ADGRV1: variants seen among roughly 807,000 people sequenced by gnomAD.
ADGRV1 encodes G-protein coupled receptor 98.
ADGRV1 carries 359 observed loss-of-function variants against 596.2 expected under a neutral mutation model. The ratio of observed to expected loss-of-function variants is 0.60; its 90% CI spans 0.55 to 0.66. The LOEUF (loss-of-function observed/expected upper bound fraction) is 0.66, where lower values mean the gene tolerates loss of function less well. ADGRV1 is among the 30% of genes least tolerant of loss of function. The probability of loss-of-function intolerance (pLI) is 0.00; values close to 1 mark genes in which losing one functional copy is unlikely to be tolerated. For missense variants in ADGRV1, 7,274 were observed against 7,575.6 expected, an observed-to-expected ratio of 0.96 and a Z score of 1.48; for synonymous variants, 2,681 against 2,679.2, an observed-to-expected ratio of 1.00 and a Z score of -0.02.
intron 43 of ADGRV1, among the ~76,000 whole-genome samples, chr5:90,719,191 G>A (rs559797104): frequency 6.6e-6 from 1 of 152,066 alleles, no homozygotes; most frequent in Non-Finnish European, 1.5e-5. Context: ...CTAGCTGGGT[G>A]TAGTGGTGTG....
At chr5:90,682,530 TTCAGTGAC>T (rs1260881736) in intron 27 of ADGRV1, among the ~76,000 whole-genome samples, 2 of 152,254 alleles carry the variant, frequency 1.3e-5, no homozygotes, top group African/African-American at 2.4e-5. Flanking sequence ...GGATTCATTG[TTCAGTGAC>T]TCACAGGAGC....
chr5:90,943,711 C>T (rs1474460891), intron 83 of ADGRV1, among the ~76,000 whole-genome samples: 1 of 152,120 alleles, frequency 6.6e-6, no homozygotes, highest in African/African-American at 2.4e-5. Flanking sequence ...TGGTGGTTCC[C>T]AGCAATCCTT....
At chr5:91,047,393 G>C (rs996303911) in intron 85 of ADGRV1, among the ~76,000 whole-genome samples, 2 of 152,152 alleles carry the variant, frequency 1.3e-5, no homozygotes, top group African/African-American at 4.8e-5. Flanking sequence ...ACAATAGGCT[G>C]TATGCAAGCT....
At chr5:90,646,130 C>G (rs749879994) in intron 16 of ADGRV1, 39 bp downstream of exon 16, 47 of 1,466,834 alleles carry the variant, frequency 3.2e-5, no homozygotes, top group Middle Eastern at 1.8e-4. Flanking sequence ...TTACATATTT[C>G]TTAAATAGTA....
At chr5:91,002,889 A>C (rs1179968311) in intron 85 of ADGRV1, among the ~76,000 whole-genome samples, 1 of 152,152 alleles carries the variant, frequency 6.6e-6, no homozygotes, top group Admixed American at 6.6e-5. Context: ...TTTACTACAG[A>C]TCTGTAAGAT....
At chr5:90,963,592 C>T (rs537753665) in intron 83 of ADGRV1, among the ~76,000 whole-genome samples, 2 of 151,358 alleles carry the variant, frequency 1.3e-5, no homozygotes, top group African/African-American at 4.9e-5. Flanking sequence ...ATTACAAATG[C>T]ACCAAATCTA....
intron 1 of ADGRV1, among the ~76,000 whole-genome samples, chr5:90,572,026 C>G (rs1376859595): frequency 6.6e-6 from 1 of 152,142 alleles, no homozygotes; most frequent in African/African-American, 2.4e-5. Flanking sequence ...CTTACCCTGA[C>G]ATTTGCACTG....
At chr5:90,816,754 T>C (rs1263136408) in intron 75 of ADGRV1, among the ~76,000 whole-genome samples, 3 of 151,872 alleles carry the variant, frequency 2.0e-5, no homozygotes, top group Admixed American at 6.6e-5. Context: ...TCATTTTTTA[T>C]GGCTGCATAG....
chr5:90,972,546 A>T (rs1011052228), intron 84 of ADGRV1, among the ~76,000 whole-genome samples: 1 of 152,176 alleles, frequency 6.6e-6, no homozygotes, highest in Non-Finnish European at 1.5e-5. Flanking sequence ...GGATTAAGAA[A>T]CTCACTCAAA....
chr5:90,909,071 A>G (rs1284516956), intron 83 of ADGRV1, among the ~76,000 whole-genome samples: 1 of 152,176 alleles, frequency 6.6e-6, no homozygotes, highest in Non-Finnish European at 1.5e-5. Flanking sequence ...GTCCCTTCTT[A>G]TGCCATCTTT....
At chr5:90,800,668 C>A (rs1403802346) in intron 70 of ADGRV1, among the ~76,000 whole-genome samples, 2 of 152,108 alleles carry the variant, frequency 1.3e-5, no homozygotes, top group Non-Finnish European at 2.9e-5. Context: ...AGGCTTGGCA[C>A]CAACCCAAAT....
chr5:90,813,118 G>T (rs1175983660), intron 74 of ADGRV1, among the ~76,000 whole-genome samples: 5 of 68,232 alleles, frequency 7.3e-5, no homozygotes, highest in African/African-American at 2.4e-4. Context: ...GGGCGACAGA[G>T]TAAGACTCCG....
chr5:90,725,594 A>T lies in ADGRV1; in HGVS notation c.10099A>T (p.Thr3367Ser). 2 of 1,588,684 alleles carry T rather than the reference A, an allele frequency of 1.3e-6. No homozygotes were observed. Among genetic ancestry groups the T allele is most frequent in the Non-Finnish European group, 1.7e-6 (2 of 1,157,380 alleles). Residue 3367 changes from threonine (T) to serine (S), a missense_variant, in exon 48 of 90, where the codon ACT becomes TCT. By Grantham distance (58) the Thr-to-Ser change is moderately conservative. Transcript: ENST00000405460. The stretch of plus-strand genomic sequence containing the variant: ...GGAAAGTTCTCAAGTAAGATATTTT[A>T]CTTCAGACAGCCAAGATTATTTAAT... The part of the protein sequence containing the change: ...ILESSQVRYF[T>S]SDSQDYLIIA...
At chr5:90,791,437 T>C (rs1760068695) in intron 70 of ADGRV1, 91 bp downstream of exon 70, 1 of 978,892 alleles carries the variant, frequency 1.0e-6, no homozygotes, top group African/African-American at 1.6e-5. Context: ...GAAATCTTAT[T>C]CAGGTATTTA....
chr5:90,820,559 G>C (rs546665329), intron 75 of ADGRV1, among the ~76,000 whole-genome samples: 7 of 151,752 alleles, frequency 4.6e-5, no homozygotes, highest in African/African-American at 1.7e-4. Context: ...GGTACCGGTT[G>C]TTCCTTTCCA....
At chr5:90,834,869 CTT>C (rs959006815) in intron 77 of ADGRV1, among the ~76,000 whole-genome samples, 2 of 151,012 alleles carry the variant, frequency 1.3e-5, no homozygotes, top group African/African-American at 2.4e-5. Context: ...TATTTTCTTT[CTT>C]TCTCTTTCTT....
At chr5:90,916,671 C>T (rs1026397607) in intron 83 of ADGRV1, among the ~76,000 whole-genome samples, 1 of 122,146 alleles carries the variant, frequency 8.2e-6, no homozygotes, top group East Asian at 2.4e-4. Flanking sequence ...CTCGCTCTGT[C>T]GCCCAGGCTG....
chr5:90,625,236 A>T lies in ADGRV1; in HGVS notation c.665A>T (p.Asp222Val). The T allele has an allele frequency of 6.2e-7, 1 of 1,607,136 alleles. No homozygotes were observed. Among genetic ancestry groups the T allele is most frequent in the Non-Finnish European group, 8.5e-7 (1 of 1,174,038 alleles). ...GTAATTTATAACTTGACAGTACTCG[A>T]TGACGAGGTTGGCTAATGTTACATA... ...ATVIYNLTVLDDEVPENDEIF... is the reference protein window; with the variant it reads ...ATVIYNLTVLVDEVPENDEIF... Residue 222 changes from aspartate to valine, a missense_variant, in exon 6 of 90, where the codon GAT becomes GTT. Around this residue, in one of 5 missense-constraint regions of ADGRV1, gnomAD observed 1,715 missense variants for 1,708.8 expected, o/e 1.00. Coordinates refer to ENST00000405460, the MANE Select transcript of ADGRV1 (RefSeq NM_032119.4).
intron 83 of ADGRV1, among the ~76,000 whole-genome samples, chr5:90,907,690 A>T (rs1031331416): frequency 6.6e-6 from 1 of 151,902 alleles, no homozygotes; most frequent in Non-Finnish European, 1.5e-5. Flanking sequence ...GACTTTCTGG[A>T]CTTGATTAGG....
Sources: gnomAD v4.1 joint callset for allele counts (sites outside exome capture counted in the v4.1 genomes callset) on GRCh38, gnomAD v4.1.1 for gene constraint, gnomAD v4.1.1 regional missense constraint, MANE v1.5 for transcripts, NCBI Gene and HGNC (gene_info 2026-07-23, HGNC 2026-07-21) for gene names.